The following PTPRK variants were observed in gnomAD, a reference collection of about 807,000 sequenced individuals.
PTPRK encodes the protein protein tyrosine phosphatase receptor type K, also known as receptor-type tyrosine-protein phosphatase kappa.
A neutral mutation model predicts 178.0 loss-of-function variants in PTPRK; 75 were observed. The ratio of observed to expected loss-of-function variants is 0.42; its 90% CI spans 0.35 to 0.51. The LOEUF (loss-of-function observed/expected upper bound fraction) is 0.51, where lower values mean the gene tolerates loss of function less well. Ranked by LOEUF, PTPRK falls within the 20% of genes least tolerant of loss-of-function variation. PTPRK has a pLI of 0.02. For missense variants in PTPRK, 1,441 were observed against 1,797.8 expected (o/e 0.80, Z 3.59); for synonymous variants, 637 against 620.6 (o/e 1.03, Z -0.39).
intron 1 of PTPRK, among the ~76,000 whole-genome samples, chr6:128,496,650 TC>T (rs1854706879): frequency 6.6e-6 from 1 of 152,212 alleles, no homozygotes; most frequent in Non-Finnish European, 1.5e-5. Context: ...TTCAGTTTGA[TC>T]ATTAGTAACA....
chr6:128,430,155 C>T (rs1202322466), intron 1 of PTPRK, among the ~76,000 whole-genome samples: 1 of 150,136 alleles, frequency 6.7e-6, no homozygotes, highest in Admixed American at 6.6e-5. Flanking sequence ...AGTCACTTAG[C>T]AATGAGTTAA....
intron 3 of PTPRK, among the ~76,000 whole-genome samples, chr6:128,294,394 T>C (rs974015281): frequency 1.3e-5 from 2 of 152,054 alleles, no homozygotes; most frequent in South Asian, 2.1e-4. Flanking sequence ...CTTTCTCCAG[T>C]GTACCCTGAA....
At chr6:127,991,272 A>C (rs960238294) in intron 20 of PTPRK, 22 bp downstream of exon 20, 1 of 1,554,890 alleles carries the variant, frequency 6.4e-7, no homozygotes, top group Non-Finnish European at 8.7e-7. Flanking sequence ...TATGACAAAA[A>C]AATTCTTTTT....
intron 2 of PTPRK, among the ~76,000 whole-genome samples, chr6:128,351,563 C>G (rs1833137368): frequency 6.6e-6 from 1 of 152,092 alleles, no homozygotes; most frequent in South Asian, 2.1e-4. Context: ...TCACCTAGTT[C>G]TTCCTTAAAA....
intron 7 of PTPRK, among the ~76,000 whole-genome samples, chr6:128,183,550 G>A (rs186113204): frequency 3.9e-4 from 59 of 152,184 alleles, no homozygotes; most frequent in African/African-American, 1.1e-3. Context: ...TATGTTCTAC[G>A]ATACATCAGG....
intron 13 of PTPRK, among the ~76,000 whole-genome samples, chr6:128,013,956 C>T (rs1483593700): frequency 6.6e-6 from 1 of 151,480 alleles, no homozygotes; most frequent in Non-Finnish European, 1.5e-5. Context: ...CAATAGCTTC[C>T]CATTGCTGTT....
At chr6:128,407,880 G>A (rs1177494458) in intron 1 of PTPRK, among the ~76,000 whole-genome samples, 3 of 151,992 alleles carry the variant, frequency 2.0e-5, no homozygotes, top group African/African-American at 7.3e-5. Flanking sequence ...AAGAAAGCTG[G>A]CAAATATGAT....
intron 1 of PTPRK, among the ~76,000 whole-genome samples, chr6:128,447,256 T>A (rs1311419871): frequency 6.6e-6 from 1 of 152,230 alleles, no homozygotes; most frequent in Non-Finnish European, 1.5e-5. Flanking sequence ...AGAGAAATCC[T>A]AATTTTGGAG....
chr6:128,375,226 T>C (rs759283778), intron 2 of PTPRK, among the ~76,000 whole-genome samples: 5 of 151,860 alleles, frequency 3.3e-5, no homozygotes, highest in Non-Finnish European at 5.9e-5. Context: ...TTTGTTTTCA[T>C]GCTGCTGATA....
chr6:128,121,033 G>A (rs1375119629), intron 7 of PTPRK, among the ~76,000 whole-genome samples: 1 of 151,126 alleles, frequency 6.6e-6, no homozygotes, highest in Non-Finnish European at 1.5e-5. Flanking sequence ...TATTTATTGA[G>A]TAATAACTAT....
chr6:128,137,279 A>G lies in PTPRK; in HGVS notation c.1162+47153T>C, dbSNP rs935585726. 3.3e-5 allele frequency among the ~76,000 whole-genome samples: 5 copies of G among 152,302 alleles called. No individual in the cohort carries two copies. In the East Asian group the frequency reaches 9.7e-4, roughly 29 times the overall value. Reference sequence around the variant, plus strand: ...CATGCAGCTTTTTACTTATTGCCTTAGGGCAAACTTAGCTCTATTTCCAAA... The same window carrying G: ...CATGCAGCTTTTTACTTATTGCCTTGGGGCAAACTTAGCTCTATTTCCAAA... On this transcript the variant is annotated intron_variant, in intron 7 of 29. Coordinates refer to ENST00000368226, the MANE Select transcript of PTPRK (RefSeq NM_002844.4).
intron 7 of PTPRK, among the ~76,000 whole-genome samples, chr6:128,122,868 A>G (rs1242760738): frequency 6.6e-6 from 1 of 152,200 alleles, no homozygotes; most frequent in East Asian, 1.9e-4. Flanking sequence ...ATTGTACTGT[A>G]GATTATTTTT....
chr6:128,437,478 T>A (rs1845742936), intron 1 of PTPRK, among the ~76,000 whole-genome samples: 1 of 152,132 alleles, frequency 6.6e-6, no homozygotes, highest in Admixed American at 6.6e-5. Flanking sequence ...CTGAATTCCT[T>A]TCCATGAGAG....
intron 2 of PTPRK, among the ~76,000 whole-genome samples, chr6:128,342,778 A>C (rs1251618132): frequency 6.6e-6 from 1 of 152,184 alleles, no homozygotes; most frequent in African/African-American, 2.4e-5. Flanking sequence ...AATATCTACA[A>C]ATTTTTTTTT....
At chr6:128,045,340 A>ACT (rs1777872138) in intron 13 of PTPRK, among the ~76,000 whole-genome samples, 1 of 151,484 alleles carries the variant, frequency 6.6e-6, no homozygotes, top group Admixed American at 6.6e-5. Context: ...TAATGACAAT[A>ACT]CTCTCCATCT....
chr6:128,263,391 A>G (rs536825532), intron 3 of PTPRK, among the ~76,000 whole-genome samples: 1 of 152,158 alleles, frequency 6.6e-6, no homozygotes, highest in African/African-American at 2.4e-5. Context: ...GGAATGACAG[A>G]TCATGGTTTG....
chr6:128,242,488 C>T, intron 4 of PTPRK, 33 bp downstream of exon 4: 1 of 1,601,704 alleles, frequency 6.2e-7, no homozygotes, highest in Non-Finnish European at 8.5e-7. Flanking sequence ...GTGGAAAGGA[C>T]ATAGAAAAAT....
intron 7 of PTPRK, among the ~76,000 whole-genome samples, chr6:128,153,916 A>G (rs1016023463): frequency 6.6e-6 from 1 of 151,882 alleles, no homozygotes; most frequent in Non-Finnish European, 1.5e-5. Flanking sequence ...ACCTCCATTT[A>G]TCAAAATGTG....
intron 6 of PTPRK, among the ~76,000 whole-genome samples, chr6:128,213,097 C>G (rs375086042): frequency 6.6e-6 from 1 of 151,758 alleles, no homozygotes; most frequent in Admixed American, 6.6e-5. Flanking sequence ...TACTTTTCAG[C>G]TTTGAAAATG....
Sources: allele counts gnomAD v4.1 joint callset (sites outside exome capture counted in the v4.1 genomes callset), GRCh38; gene constraint gnomAD v4.1.1; transcripts MANE v1.5; gene names NCBI Gene and HGNC (gene_info 2026-07-23, HGNC 2026-07-21).